HMCN1: variants seen among roughly 807,000 people sequenced by gnomAD.
The protein encoded by HMCN1 is hemicentin-1.
HMCN1 carries 321 observed loss-of-function variants against 625.9 expected under a neutral mutation model. The observed-to-expected ratio is 0.51, with a 90% CI of 0.47 to 0.56. The LOEUF (loss-of-function observed/expected upper bound fraction) is 0.56. HMCN1 is among the 20% of genes least tolerant of loss of function. HMCN1 has a pLI of 0.00. For missense variants in HMCN1, 6,588 were observed against 6,887.3 expected (o/e 0.96, Z 1.54); for synonymous variants, 2,425 against 2,417.6 (o/e 1.00, Z -0.09).
chr1:186,163,422 C>T (rs57344336), intron 97 of HMCN1, among the ~76,000 whole-genome samples: 1,719 of 152,302 alleles, frequency 0.011, 27 homozygotes, highest in African/African-American at 0.04. Flanking sequence ...CACTGACCTG[C>T]ACCCACTGTC....
At chr1:186,040,673 TAGAAAG>T (rs1558167538) in intron 39 of HMCN1, among the ~76,000 whole-genome samples, 1 of 152,162 alleles carries the variant, frequency 6.6e-6, no homozygotes, top group Admixed American at 6.6e-5. Context: ...AAAGAAAAAT[TAGAAAG>T]AGAATTAGCA....
intron 1 of HMCN1, among the ~76,000 whole-genome samples, chr1:185,777,316 C>T (rs1190531132): frequency 6.6e-6 from 1 of 152,204 alleles, no homozygotes; most frequent in Non-Finnish European, 1.5e-5. Context: ...TCATTCAATA[C>T]ATTCAATAGC....
chr1:185,978,028 A>G (rs745647809), intron 16 of HMCN1, 47 bp downstream of exon 16: 2 of 1,369,162 alleles, frequency 1.5e-6, no homozygotes, highest in East Asian at 2.3e-5. Context: ...CTTTTATGTT[A>G]TATATTTATG....
At chr1:185,794,852 A>T (rs1316774964) in intron 1 of HMCN1, among the ~76,000 whole-genome samples, 2 of 152,186 alleles carry the variant, frequency 1.3e-5, no homozygotes, top group Non-Finnish European at 2.9e-5. Context: ...TATTCCCAAA[A>T]TATGACTTTT....
In HMCN1 at chr1:185,965,782, T is replaced by G. The variant is rs1650364814; in HGVS notation, c.2099-20T>G. ...GGTCTTGTGCTAAATGTTGACTATT[T>G]GCGTTTTTGTTTTTTTCAGAAGCCC... On this transcript the variant is annotated intron_variant, in intron 13 of 106. Transcript: ENST00000271588. 7.5e-7 allele frequency: 1 copy of G among 1,330,342 alleles called. No homozygotes were observed. The highest frequency in any genetic ancestry group is 1.2e-5 in the South Asian group (1 of 85,378). The allele number at this position is 1,330,342 out of a possible 1,614,324, so 82.4% of individuals were successfully genotyped here.
chr1:186,167,057 G>A (rs1298801257), intron 100 of HMCN1, 115 bp downstream of exon 100: 4 of 1,308,296 alleles, frequency 3.1e-6, no homozygotes, highest in Non-Finnish European at 4.4e-6. Flanking sequence ...CCACATAAAA[G>A]GGAGAGAATG....
chr1:185,865,949 C>A, intron 4 of HMCN1, 86 bp downstream of exon 4: 1 of 1,418,336 alleles, frequency 7.1e-7, no homozygotes, highest in Non-Finnish European at 9.9e-7. Flanking sequence ...GATTTGATTT[C>A]AAAAACAATT....
At chr1:185,897,787 G>A (rs1385174819) in intron 4 of HMCN1, among the ~76,000 whole-genome samples, 2 of 152,062 alleles carry the variant, frequency 1.3e-5, no homozygotes, top group Admixed American at 6.6e-5. Flanking sequence ...CCCAAAGGAT[G>A]TTCTCTCTCC....
chr1:186,010,984 G>A (rs1167473816), intron 30 of HMCN1, among the ~76,000 whole-genome samples: 1 of 151,966 alleles, frequency 6.6e-6, no homozygotes, highest in Non-Finnish European at 1.5e-5. Flanking sequence ...AACATTTGAA[G>A]TTAGTATTCT....
chr1:185,744,152 C>A (rs899656444), intron 1 of HMCN1, among the ~76,000 whole-genome samples: 2 of 150,738 alleles, frequency 1.3e-5, no homozygotes, highest in African/African-American at 4.9e-5. Flanking sequence ...CCACACCCAG[C>A]TAATTTTTTT....
rs1654276014 is a variant in HMCN1 at position 186,015,160 on chromosome 1, T to A, written c.4632T>A (p.Ile1544=). 1 of 1,606,332 alleles carries A rather than the reference T, an allele frequency of 6.2e-7. No homozygotes were observed. Among genetic ancestry groups the A allele is most frequent in the African/African-American group, 1.3e-5 (1 of 74,938 alleles). Reference sequence around the variant, plus strand: ...TTTTTGTTCTGAAATCCTTTGTAGTTCCACCTAGTATTAAAGGAGGAAATG... The same window carrying A: ...TTTTTGTTCTGAAATCCTTTGTAGTACCACCTAGTATTAAAGGAGGAAATG... ...QAKDIKLTIY[I]PPSIKGGNVT... Residue 1544 remains isoleucine, a splice_region_variant and synonymous_variant, in exon 31 of 107, where the codon ATT becomes ATA. Transcript: ENST00000271588.
At chr1:186,014,866 GC>G (rs1335240614) in intron 30 of HMCN1, among the ~76,000 whole-genome samples, 1 of 151,894 alleles carries the variant, frequency 6.6e-6, no homozygotes, top group Admixed American at 6.6e-5. Context: ...ATTTTGTTTT[GC>G]TTTGTTGGTT....
At chr1:185,766,428 A>G (rs1385083520) in intron 1 of HMCN1, among the ~76,000 whole-genome samples, 1 of 152,126 alleles carries the variant, frequency 6.6e-6, no homozygotes, top group African/African-American at 2.4e-5. Flanking sequence ...CCCTGAATAA[A>G]GCTGAGATCC....
In HMCN1 at chr1:186,166,951, A is replaced by T. The variant is rs1400979057; in HGVS notation, c.15574+9A>T. On this transcript the variant is annotated intron_variant, in intron 100 of 106. Coordinates refer to ENST00000271588, the MANE Select transcript of HMCN1 (RefSeq NM_031935.3). ...TGGGCTGAGTTGTCAAGGTATAAAA[A>T]TGGAGGCCTTTTCTTTATGTTCATG... The T allele has an allele frequency of 8.1e-6, 13 of 1,614,010 alleles. No homozygotes were observed. Among genetic ancestry groups the T allele is most frequent in the Non-Finnish European group, 1.1e-5 (13 of 1,179,980 alleles).
intron 55 of HMCN1, among the ~76,000 whole-genome samples, chr1:186,078,728 T>C (rs1385733001): frequency 6.6e-6 from 1 of 152,204 alleles, no homozygotes; most frequent in African/African-American, 2.4e-5. Flanking sequence ...ATTGGCCAAG[T>C]GTGAATCACG....
intron 6 of HMCN1, among the ~76,000 whole-genome samples, chr1:185,920,494 T>G (rs1379002679): frequency 6.6e-6 from 1 of 152,188 alleles, no homozygotes; most frequent in Non-Finnish European, 1.5e-5. Flanking sequence ...CCTCAGAGAA[T>G]AGTAAACCTA....
chr1:186,171,333 A>T lies in HMCN1; in HGVS notation c.15575-4A>T. On this transcript the variant is annotated splice_region_variant and splice_polypyrimidine_tract_variant and intron_variant, in intron 100 of 106. Coordinates refer to ENST00000271588, the MANE Select transcript of HMCN1 (RefSeq NM_031935.3). ...TATAATGAAAGTTTTGTTTTATTTA[A>T]CAGATATTAATGAATGTCAAGAATC... is the stretch of plus-strand genomic sequence containing the variant. 1 of 1,605,348 alleles carries T rather than the reference A, an allele frequency of 6.2e-7. No individual in the cohort carries two copies. The highest frequency in any genetic ancestry group is 8.5e-7 in the Non-Finnish European group (1 of 1,172,190).
chr1:186,134,948 C>T (rs1649503231), intron 86 of HMCN1, among the ~76,000 whole-genome samples: 1 of 152,178 alleles, frequency 6.6e-6, no homozygotes, highest in Admixed American at 6.5e-5. Flanking sequence ...TATGCTGTTA[C>T]TCTTCAGGGT....
Position 185,734,775 on chromosome 1 carries a change from A to G in HMCN1, c.-5A>G. On this transcript the variant is annotated 5_prime_UTR_variant, in exon 1 of 107. Transcript: ENST00000271588. ...AGGGGGAAAAAGAGGGGGAAAAAAA[A>G]GAAAATGATTTCCTGGGAAGTTGTC... The G allele has an allele frequency of 6.2e-7, 1 of 1,614,184 alleles. No individual in the cohort carries two copies. The highest frequency in any genetic ancestry group is 8.5e-7 in the Non-Finnish European group (1 of 1,180,034).
Sources: gnomAD v4.1 joint callset for allele counts (sites outside exome capture counted in the v4.1 genomes callset) on GRCh38, gnomAD v4.1.1 for gene constraint, MANE v1.5 for transcripts, NCBI Gene and HGNC (gene_info 2026-07-23, HGNC 2026-07-21) for gene names.